The following ST8SIA4 variants were observed in gnomAD, a reference collection of about 807,000 sequenced individuals.
ST8SIA4 encodes CMP-N-acetylneuraminate-poly-alpha-2,8-sialyltransferase.
ST8SIA4 carries 15 observed loss-of-function variants against 33.9 expected under a neutral mutation model. That is an observed-to-expected ratio of 0.44 (90% CI 0.30 to 0.68). The LOEUF is 0.68. Ranked by LOEUF, ST8SIA4 falls within the 30% of genes least tolerant of loss-of-function variation. ST8SIA4 has a pLI of 0.10. For missense variants in ST8SIA4, 321 were observed against 428.0 expected (o/e 0.75, Z 2.21); for synonymous variants, 171 against 151.2 (o/e 1.13, Z -0.96).
At position 100,810,352 on chromosome 5, in the gene ST8SIA4, T is replaced by C. The variant is rs1425795790; in HGVS notation, c.*1495A>G. On this transcript the variant is annotated 3_prime_UTR_variant, in exon 5 of 5. Transcript: ENST00000231461. ...TCACTGTTAAACCTCTTGAAATTAATCATCTCTGTTTTGAAAACAATACTC... is the reference window on the plus strand; with the variant it reads ...TCACTGTTAAACCTCTTGAAATTAACCATCTCTGTTTTGAAAACAATACTC... The C allele has an allele frequency of 4.0e-5, 4 of 98,778 alleles. No homozygotes were observed. Among genetic ancestry groups the C allele is most frequent in the African/African-American group, 1.2e-4 (4 of 32,308 alleles). 6.1% of individuals were successfully genotyped at this position (98,778 alleles called of 1,614,324 possible).
intron 3 of ST8SIA4, chr5:100,885,419 G>A: frequency 1.1e-6 from 1 of 943,282 alleles, no homozygotes; most frequent in Non-Finnish European, 1.3e-6. Context: ...ACCTATTTAT[G>A]CTTTTAAGAC....
At chr5:100,869,286 A>G (rs2112454428) in intron 3 of ST8SIA4, among the ~76,000 whole-genome samples, 1 of 152,296 alleles carries the variant, frequency 6.6e-6, no homozygotes, top group African/African-American at 2.4e-5. Flanking sequence ...TTTACAGATA[A>G]GTATGATAGT....
intron 3 of ST8SIA4, among the ~76,000 whole-genome samples, chr5:100,865,859 T>A (rs943168653): frequency 6.6e-6 from 1 of 152,150 alleles, no homozygotes; most frequent in African/African-American, 2.4e-5. Flanking sequence ...TGCTTAGATT[T>A]TTTTTATAAT....
intron 2 of ST8SIA4, among the ~76,000 whole-genome samples, chr5:100,889,355 G>A (rs1025728213): frequency 6.6e-6 from 1 of 151,806 alleles, no homozygotes; most frequent in Admixed American, 6.6e-5. Flanking sequence ...TGGTGTTATC[G>A]TTTTTCTTTG....
At chr5:100,883,440 T>C (rs1752471532) in intron 3 of ST8SIA4, among the ~76,000 whole-genome samples, 1 of 152,208 alleles carries the variant, frequency 6.6e-6, no homozygotes, top group Non-Finnish European at 1.5e-5. Flanking sequence ...GGACTTGCCT[T>C]GTCTCAGACG....
chr5:100,870,825 G>A (rs1399546381), intron 3 of ST8SIA4, among the ~76,000 whole-genome samples: 2 of 151,784 alleles, frequency 1.3e-5, no homozygotes, highest in African/African-American at 4.8e-5. Flanking sequence ...CATAAATTTT[G>A]CATTTAAAAT....
At chr5:100,836,995 A>AACACACACACACAC (rs143119843) in intron 4 of ST8SIA4, among the ~76,000 whole-genome samples, 113 of 146,396 alleles carry the variant, frequency 7.7e-4, no homozygotes, top group African/African-American at 2.7e-3. Context: ...TTAGTGCTAA[A>AACACACACACACAC]ACACACACAC....
At chr5:100,814,961 G>A (rs1045924737) in intron 4 of ST8SIA4, among the ~76,000 whole-genome samples, 7 of 151,814 alleles carry the variant, frequency 4.6e-5, no homozygotes, top group Non-Finnish European at 1.0e-4. Context: ...ATCAAAAATA[G>A]AATATTAACT....
intron 3 of ST8SIA4, among the ~76,000 whole-genome samples, chr5:100,880,374 A>G (rs1274737427): frequency 6.6e-6 from 1 of 152,186 alleles, no homozygotes; most frequent in Non-Finnish European, 1.5e-5. Context: ...TTCTGATATT[A>G]CAGTCAGAGA....
intron 2 of ST8SIA4, among the ~76,000 whole-genome samples, chr5:100,887,637 G>T (rs983390847): frequency 3.3e-5 from 5 of 152,050 alleles, no homozygotes; most frequent in Admixed American, 1.3e-4. Context: ...TATATAGCTG[G>T]CTGGAAAACT....
At chr5:100,830,772 A>G (rs1009086227) in intron 4 of ST8SIA4, among the ~76,000 whole-genome samples, 1 of 152,230 alleles carries the variant, frequency 6.6e-6, no homozygotes, top group African/African-American at 2.4e-5. Context: ...ATGTGTGTGC[A>G]TAAATGTACA....
Position 100,808,430 on chromosome 5 carries a change from C to T in ST8SIA4, c.*3417G>A, listed in dbSNP as rs1750737972. 6.6e-6 allele frequency: 1 copy of T among 152,578 alleles called. No homozygotes were observed. The highest frequency in any genetic ancestry group is 2.1e-4 in the South Asian group (1 of 4,824). The allele number at this position is 152,578 out of a possible 1,614,324, so 9.5% of individuals were successfully genotyped here. The stretch of plus-strand genomic sequence containing the variant: ...GCCAAGAAAATCTATTACTTGCTCA[C>T]TTTTTATTTCAGCAACTTAACATTA... On this transcript the variant is annotated 3_prime_UTR_variant, in exon 5 of 5. Transcript: ENST00000231461.
chr5:100,865,834 A>G (rs978540436), intron 3 of ST8SIA4, among the ~76,000 whole-genome samples: 2 of 151,982 alleles, frequency 1.3e-5, no homozygotes, highest in African/African-American at 2.4e-5. Context: ...CCACTGTCCA[A>G]TTTTAGTTAC....
intron 4 of ST8SIA4, among the ~76,000 whole-genome samples, chr5:100,854,161 G>A (rs772933153): frequency 1.9e-4 from 29 of 151,290 alleles, no homozygotes; most frequent in African/African-American, 5.4e-4. Context: ...TAATTACCAG[G>A]GATATTTGTA....
At chr5:100,841,063 T>A (rs1004845124) in intron 4 of ST8SIA4, among the ~76,000 whole-genome samples, 3 of 151,824 alleles carry the variant, frequency 2.0e-5, no homozygotes, top group African/African-American at 7.2e-5. Flanking sequence ...CTACTGTACA[T>A]CATGATAAAG....
chr5:100,828,289 A>G (rs1298425567), intron 4 of ST8SIA4, among the ~76,000 whole-genome samples: 1 of 152,160 alleles, frequency 6.6e-6, no homozygotes, highest in South Asian at 2.1e-4. Flanking sequence ...GAAATAAGGA[A>G]CATTTTTGTC....
At chr5:100,895,511 G>A (rs1425128469) in intron 2 of ST8SIA4, 143 bp downstream of exon 2, 2 of 738,058 alleles carry the variant, frequency 2.7e-6, no homozygotes, top group Non-Finnish European at 4.2e-6. Context: ...TCTTCAGTGA[G>A]CAACATTAAA....
At chr5:100,812,181 A>C in intron 4 of ST8SIA4, 52 bp from the exon 5 acceptor site, 1 of 1,505,208 alleles carries the variant, frequency 6.6e-7, no homozygotes, top group East Asian at 2.3e-5. Flanking sequence ...ACACACATAG[A>C]GCATATCCTA....
chr5:100,858,552 G>A (rs1014619558), intron 3 of ST8SIA4, among the ~76,000 whole-genome samples: 4 of 151,948 alleles, frequency 2.6e-5, no homozygotes, highest in African/African-American at 7.2e-5. Context: ...CCCCCTATCC[G>A]TATTTGCCAA....
Sources: gnomAD v4.1 joint callset for allele counts (sites outside exome capture counted in the v4.1 genomes callset) on GRCh38, gnomAD v4.1.1 for gene constraint, MANE v1.5 for transcripts, NCBI Gene and HGNC (gene_info 2026-07-23, HGNC 2026-07-21) for gene names.